Variants in GPD2 observed in about 807,000 individuals in gnomAD.
The protein encoded by GPD2 is glycerol-3-phosphate dehydrogenase, mitochondrial.
A neutral mutation model predicts 82.4 loss-of-function variants in GPD2; 54 were observed. The observed-to-expected ratio is 0.66, with a 90% CI of 0.53 to 0.82. The LOEUF (loss-of-function observed/expected upper bound fraction) is 0.82, where lower values mean the gene tolerates loss of function less well. GPD2 is among the 40% of genes least tolerant of loss of function. The probability of loss-of-function intolerance (pLI) is 0.00; values close to 1 mark genes in which losing one functional copy is unlikely to be tolerated. For missense variants in GPD2, 748 were observed against 896.2 expected (o/e 0.83, Z 2.11); for synonymous variants, 288 against 306.1 (o/e 0.94, Z 0.62).
chr2:156,400,727 C>G, the GPD2 span, among the ~76,000 whole-genome samples: 1 of 152,318 alleles, frequency 6.6e-6, no homozygotes, highest in Non-Finnish European at 1.5e-5. Flanking sequence ...CTAGAGCTAG[C>G]AGACTGAATG....
At chr2:156,544,328 A>G (rs988526431) in intron 6 of GPD2, among the ~76,000 whole-genome samples, 1 of 152,172 alleles carries the variant, frequency 6.6e-6, no homozygotes, top group African/African-American at 2.4e-5. Flanking sequence ...GCAGAAACAT[A>G]CAAGTGTTCT....
intron 9 of GPD2, 62 bp downstream of exon 9, chr2:156,557,644 C>A: frequency 1.1e-6 from 1 of 899,718 alleles, no homozygotes; most frequent in South Asian, 1.3e-5. Flanking sequence ...CATTCCAGCT[C>A]TCACTGGATA....
chr2:156,532,189 C>T (rs1299019788), intron 6 of GPD2, among the ~76,000 whole-genome samples: 1 of 152,000 alleles, frequency 6.6e-6, no homozygotes, highest in East Asian at 1.9e-4. Context: ...AAACTCTTTG[C>T]AGAGACAAGG....
In GPD2 at chr2:156,582,867, C is replaced by A; in HGVS notation, c.2133C>A (p.Asn711Lys). The change falls in exon 17 of 17, where the codon AAC (asparagine) becomes AAA (lysine). Residue 711 changes from asparagine to lysine, a missense_variant. Asn to Lys is a moderately conservative substitution (Grantham distance 94, BLOSUM62 0). Around this residue, in one of 3 missense-constraint regions of GPD2, gnomAD observed 46 missense variants for 49.1 expected, o/e 0.94. Transcript: ENST00000438166. Reference protein sequence around the residue: ...LAILMKTAEENLDRRVPIPVD... With the variant: ...LAILMKTAEEKLDRRVPIPVD... ...TACTAATGAAAACTGCAGAAGAGAA[C>A]CTCGACAGAAGAGTTCCAATTCCAG... is the stretch of plus-strand genomic sequence containing the variant. 1 of 1,613,128 alleles carries A rather than the reference C, an allele frequency of 6.2e-7. No individual in the cohort carries two copies. The highest frequency in any genetic ancestry group is 8.5e-7 in the Non-Finnish European group (1 of 1,179,272).
chr2:156,558,438 C>G (rs1048957328), intron 9 of GPD2, among the ~76,000 whole-genome samples: 5 of 152,166 alleles, frequency 3.3e-5, no homozygotes, highest in Non-Finnish European at 7.4e-5. Flanking sequence ...CTCTTTAGGT[C>G]AGGTCTCTAT....
chr2:156,475,300 G>T (rs1001716670), intron 1 of GPD2, among the ~76,000 whole-genome samples: 3 of 152,204 alleles, frequency 2.0e-5, no homozygotes, highest in Non-Finnish European at 4.4e-5. Flanking sequence ...AAGTCTTAAG[G>T]CATAATACCT....
chr2:156,428,473 G>A, the GPD2 span, among the ~76,000 whole-genome samples: 1 of 152,264 alleles, frequency 6.6e-6, no homozygotes, highest in South Asian at 2.1e-4. Flanking sequence ...TTTGACTATT[G>A]AAAGATATTT....
At chr2:156,540,212 C>T (rs1182722148) in intron 6 of GPD2, among the ~76,000 whole-genome samples, 1 of 152,212 alleles carries the variant, frequency 6.6e-6, no homozygotes, top group Admixed American at 6.5e-5. Flanking sequence ...CTCATCACGT[C>T]ACGTCTTGCT....
At chr2:156,524,427 C>T (rs901572134) in intron 6 of GPD2, among the ~76,000 whole-genome samples, 2 of 152,148 alleles carry the variant, frequency 1.3e-5, no homozygotes, top group African/African-American at 4.8e-5. Flanking sequence ...GCAGCTGGGG[C>T]TGAAGTCTTC....
chr2:156,457,208 A>G (rs1287292274), intron 1 of GPD2, among the ~76,000 whole-genome samples: 1 of 152,212 alleles, frequency 6.6e-6, no homozygotes, highest in Non-Finnish European at 1.5e-5. Flanking sequence ...AATAAAAATA[A>G]ATACCAAGAA....
the GPD2 span, among the ~76,000 whole-genome samples, chr2:156,423,063 A>C: frequency 1.3e-5 from 2 of 152,326 alleles, no homozygotes; most frequent in East Asian, 3.9e-4. Flanking sequence ...ACAGTAATCC[A>C]TGGAGGTAGG....
intron 13 of GPD2, among the ~76,000 whole-genome samples, chr2:156,572,366 C>G (rs1687671755): frequency 6.6e-6 from 1 of 151,954 alleles, no homozygotes; most frequent in African/African-American, 2.4e-5. Context: ...TTAACAAACA[C>G]TTGTGTTGAA....
intron 1 of GPD2, among the ~76,000 whole-genome samples, chr2:156,469,996 G>C (rs1683274214): frequency 6.6e-6 from 1 of 152,114 alleles, no homozygotes; most frequent in Non-Finnish European, 1.5e-5. Flanking sequence ...ATAAAAGAAT[G>C]ACTACTCCAT....
At chr2:156,530,272 TTTTTGTACATTGA>T (rs1221541764) in intron 6 of GPD2, among the ~76,000 whole-genome samples, 1 of 73,352 alleles carries the variant, frequency 1.4e-5, no homozygotes, top group African/African-American at 4.6e-5. Context: ...ATGCTTGTGA[TTTTTGTACATTGA>T]TTTTGTATCC....
intron 6 of GPD2, among the ~76,000 whole-genome samples, chr2:156,521,062 G>A (rs1278685251): frequency 2.0e-5 from 3 of 152,074 alleles, no homozygotes; most frequent in East Asian, 1.9e-4. Context: ...CAGGGTATAT[G>A]TACAAAAAGT....
rs1392350308 is a variant in GPD2 at position 156,571,528 on chromosome 2, G to T, written c.1767+236G>T. Among the ~76,000 whole-genome samples the T allele has an allele frequency of 2.6e-5, 4 of 152,070 alleles. No homozygotes were observed. In the South Asian group the frequency reaches 8.3e-4, roughly 31 times the overall value. On this transcript the variant is annotated intron_variant, in intron 13 of 16. Transcript: ENST00000438166. ...TCATAAATTTGTGGTCATAATTCCT[G>T]AAAAAGAAAGATAATAATGATTGTA...
Position 156,509,898 on chromosome 2 carries a change from C to T in GPD2, c.275-898C>T, listed in dbSNP as rs147984384. Among the ~76,000 whole-genome samples the T allele has an allele frequency of 2.6e-3, 402 of 151,796 alleles. 10 individuals are homozygous for T. In the East Asian group the frequency reaches 0.068, roughly 26 times the overall value. On this transcript the variant is annotated intron_variant, in intron 3 of 16. Transcript: ENST00000438166. ...AAGCGATTCTCCGGCCTCAGCCTCC[C>T]GAGTAGCTGGGATTACAGGCGCATG...
At chr2:156,404,805 G>C in the GPD2 span, among the ~76,000 whole-genome samples, 1 of 147,966 alleles carries the variant, frequency 6.8e-6, no homozygotes, top group East Asian at 2.1e-4. Context: ...GATGAGCCAA[G>C]ATTGTGCCAT....
At chr2:156,522,609 T>C (rs1056867741) in intron 6 of GPD2, among the ~76,000 whole-genome samples, 2 of 152,174 alleles carry the variant, frequency 1.3e-5, no homozygotes, top group East Asian at 1.9e-4. Context: ...ATATATGCCA[T>C]ATATTTTGCC....
Sources: gnomAD v4.1 joint callset for allele counts (sites outside exome capture counted in the v4.1 genomes callset) on GRCh38, gnomAD v4.1.1 for gene constraint, gnomAD v4.1.1 regional missense constraint, MANE v1.5 for transcripts, NCBI Gene and HGNC (gene_info 2026-07-23, HGNC 2026-07-21) for gene names.